The following RUVBL1 variants were observed in gnomAD, a reference collection of about 807,000 sequenced individuals.
The protein encoded by RUVBL1 is ruvB-like 1.
RUVBL1 carries 4 observed loss-of-function variants against 52.4 expected under a neutral mutation model. The observed-to-expected ratio is 0.08, with a 90% CI of 0.04 to 0.17. The LOEUF is 0.17. Ranked by LOEUF, RUVBL1 falls within the 10% of genes least tolerant of loss-of-function variation. The pLI is 1.00. For missense variants in RUVBL1, 298 were observed against 572.8 expected, an observed-to-expected ratio of 0.52 and a Z score of 4.90; for synonymous variants, 217 against 214.4, an observed-to-expected ratio of 1.01 and a Z score of -0.10.
At chr3:128,153,767 AG>A (rs746971916) in exon 1 of RUVBL1, 2 of 1,541,808 alleles carry the variant, frequency 1.3e-6, no homozygotes, top group Non-Finnish European at 1.7e-6. Flanking sequence ...CCACTGCTTC[AG>A]GTCACGCTGG....
At chr3:128,079,623 G>A (rs1316337241), downstream of RUVBL1, among the ~76,000 whole-genome samples, 1 of 152,220 alleles carries the variant, frequency 6.6e-6, no homozygotes, top group Non-Finnish European at 1.5e-5. Flanking sequence ...ATGCACAGCT[G>A]ACTTCATGAA....
At chr3:128,107,136 C>T (rs2107699088) in intron 3 of RUVBL1, among the ~76,000 whole-genome samples, 2 of 152,278 alleles carry the variant, frequency 1.3e-5, no homozygotes, top group South Asian at 4.1e-4. Context: ...CGAAATACTG[C>T]TCTAAATCTC....
chr3:128,070,669 C>T (rs1942136396), intron 9 of RUVBL1: 1 of 152,310 alleles, frequency 6.6e-6, no homozygotes, highest in Non-Finnish European at 1.5e-5. Context: ...TCTGCGTCAC[C>T]AGTGTCGTCA....
At chr3:128,077,555 G>A (rs1431185315), downstream of RUVBL1, among the ~76,000 whole-genome samples, 2 of 152,214 alleles carry the variant, frequency 1.3e-5, no homozygotes, top group Non-Finnish European at 2.9e-5. Context: ...CTGGGACAAG[G>A]GGGTGGTCAT....
Position 128,098,549 on chromosome 3 carries a change from A to G in RUVBL1, c.817+333T>C, listed in dbSNP as rs111684197. On this transcript the variant is annotated intron_variant, in intron 7 of 10. Coordinates refer to ENST00000322623, the MANE Select transcript of RUVBL1 (RefSeq NM_003707.3). ...GGCAGTATGTGGAGCTGGTCTGTGGAGCTGCCCTGTGCTCTACTAGGGAGG... is the reference window on the plus strand; with the variant it reads ...GGCAGTATGTGGAGCTGGTCTGTGGGGCTGCCCTGTGCTCTACTAGGGAGG... Among the ~76,000 whole-genome samples the G allele has an allele frequency of 4.3e-3, 661 of 152,250 alleles. 2 individuals are homozygous for G. Among genetic ancestry groups the G allele is most frequent in the African/African-American group, 0.015 (620 of 41,558 alleles).
At position 128,067,103 on chromosome 3, in the gene RUVBL1, A is replaced by G. The variant is rs982380775; in HGVS notation, c.940-1883T>C. On this transcript the variant is annotated intron_variant, in intron 9 of 9. Coordinates refer to the RUVBL1 transcript ENST00000464873. This position sits in a 1 kb window ranked among gnomAD's most constrained non-coding sequence, Gnocchi z 4.1. The stretch of plus-strand genomic sequence containing the variant: ...TTTATGTCATCTCCCAAATGCTCTC[A>G]GCTCGCTTCAGTGGCAACTTGCTGG... 3 of 1,614,162 alleles carry G rather than the reference A, an allele frequency of 1.9e-6. No homozygotes were observed. In the African/African-American group the frequency reaches 4.0e-5, roughly 22 times the overall value.
chr3:128,153,736 G>T, exon 1 of RUVBL1: 1 of 1,545,944 alleles, frequency 6.5e-7, no homozygotes, highest in Non-Finnish European at 8.7e-7. Flanking sequence ...AGCGCCCGAG[G>T]CCGAGCCCGA....
chr3:128,153,839 G>A, exon 1 of RUVBL1: 1 of 1,495,350 alleles, frequency 6.7e-7, no homozygotes, highest in Non-Finnish European at 8.8e-7. Flanking sequence ...CGCGGGCCGG[G>A]GCGGGAGCCG....
chr3:128,146,012 G>C (rs1398990737), intron 1 of RUVBL1, among the ~76,000 whole-genome samples: 2 of 152,128 alleles, frequency 1.3e-5, no homozygotes, highest in Non-Finnish European at 2.9e-5. Flanking sequence ...ATGTTCAAAG[G>C]TGATATGCGC....
At chr3:128,132,440 C>T (rs575476563) in intron 1 of RUVBL1, among the ~76,000 whole-genome samples, 2 of 152,288 alleles carry the variant, frequency 1.3e-5, no homozygotes, top group East Asian at 3.9e-4. Context: ...ATCACCACTC[C>T]CCCAAAGCCA....
rs373833133 is a variant in RUVBL1 at position 128,097,365 on chromosome 3, G to A, written c.951C>T (p.Arg317=). Residue 317 remains arginine (R), a synonymous_variant, in exon 8 of 11, where the codon CGC becomes CGT. Transcript: ENST00000322623. ...TGGGAGCGATAGAAGACTCCAGGGC[G>A]CGGTGCAGGTAGGTGAAGCACTCAA... ...LDIECFTYLH[R]ALESSIAPIV... 126 of 1,614,074 alleles carry A rather than the reference G, an allele frequency of 7.8e-5. No individual in the cohort carries two copies. The highest frequency in any genetic ancestry group is 1.5e-4 in the South Asian group (14 of 91,082).
At chr3:128,106,539 A>G (rs950807514) in intron 3 of RUVBL1, among the ~76,000 whole-genome samples, 3 of 151,956 alleles carry the variant, frequency 2.0e-5, no homozygotes, top group Non-Finnish European at 4.4e-5. Flanking sequence ...GCACAGCAGC[A>G]GCCCACGGCA....
chr3:128,112,815 A>G, intron 3 of RUVBL1, 73 bp downstream of exon 3: 1 of 1,531,336 alleles, frequency 6.5e-7, no homozygotes, highest in Admixed American at 1.9e-5. Context: ...AGGCATCTTC[A>G]CCACAAAGAG....
chr3:128,072,842 C>T (rs1414189323), intron 9 of RUVBL1, among the ~76,000 whole-genome samples: 2 of 152,176 alleles, frequency 1.3e-5, no homozygotes, highest in Non-Finnish European at 2.9e-5. Context: ...CAGCCACGCA[C>T]GCTTCAAGAT....
At chr3:128,100,352 C>A (rs1275723856) in intron 6 of RUVBL1, among the ~76,000 whole-genome samples, 1 of 152,212 alleles carries the variant, frequency 6.6e-6, no homozygotes, top group Non-Finnish European at 1.5e-5. Context: ...AGCTGGCTAG[C>A]TCAGGGCCAG....
intron 8 of RUVBL1, among the ~76,000 whole-genome samples, chr3:128,089,069 CA>C (rs1942746132): frequency 1.3e-5 from 2 of 152,170 alleles, no homozygotes; most frequent in Non-Finnish European, 2.9e-5. Flanking sequence ...TTTGCTATTT[CA>C]ACAGTTTAGA....
At chr3:128,151,224 TTC>T (rs1944206624) in intron 1 of RUVBL1, among the ~76,000 whole-genome samples, 2 of 137,090 alleles carry the variant, frequency 1.5e-5, no homozygotes, top group South Asian at 2.1e-4. Context: ...ACTGTATATA[TTC>T]TATATATATA....
At chr3:128,105,281 G>A (rs992218804) in intron 3 of RUVBL1, among the ~76,000 whole-genome samples, 9 of 151,616 alleles carry the variant, frequency 5.9e-5, no homozygotes, top group South Asian at 2.1e-4. Context: ...CACCACGCCC[G>A]GCTAATTTTT....
At chr3:128,148,303 G>C (rs576019680) in intron 1 of RUVBL1, among the ~76,000 whole-genome samples, 1 of 152,218 alleles carries the variant, frequency 6.6e-6, no homozygotes, top group East Asian at 1.9e-4. Flanking sequence ...TGTTCAGAGG[G>C]GATTGGATTC....
Sources: allele counts gnomAD v4.1 joint callset (sites outside exome capture counted in the v4.1 genomes callset), GRCh38; gene constraint gnomAD v4.1.1; non-coding constraint Gnocchi (gnomAD v3.1); transcripts MANE v1.5; gene names NCBI Gene and HGNC (gene_info 2026-07-23, HGNC 2026-07-21).